CNTN5: variants seen among roughly 807,000 people sequenced by gnomAD.
The protein encoded by CNTN5 is contactin-5.
A neutral mutation model predicts 129.1 loss-of-function variants in CNTN5; 77 were observed. The ratio of observed to expected loss-of-function variants is 0.60; its 90% CI spans 0.50 to 0.72. The LOEUF (loss-of-function observed/expected upper bound fraction) is 0.72. Ranked by LOEUF, CNTN5 falls within the 30% of genes least tolerant of loss-of-function variation. The pLI, the probability that CNTN5 is intolerant of heterozygous loss-of-function variation, is 0.00. For missense variants in CNTN5, 1,478 were observed against 1,328.8 expected (o/e 1.11, Z -1.75); for synonymous variants, 509 against 465.6 (o/e 1.09, Z -1.20).
intron 1 of CNTN5, among the ~76,000 whole-genome samples, chr11:99,021,918 A>G (rs1862887887): frequency 6.6e-6 from 1 of 152,250 alleles, no homozygotes; most frequent in Admixed American, 6.5e-5. Context: ...CAATTTGCAC[A>G]TACACAAACC....
intron 16 of CNTN5, among the ~76,000 whole-genome samples, chr11:100,245,111 G>A (rs1472641630): frequency 2.6e-5 from 4 of 152,058 alleles, no homozygotes; most frequent in African/African-American, 4.8e-5. Context: ...AGTTAAGCAG[G>A]TGTTTGATTA....
chr11:99,619,389 G>T (rs545378083), intron 3 of CNTN5, among the ~76,000 whole-genome samples: 1 of 151,772 alleles, frequency 6.6e-6, no homozygotes, highest in East Asian at 1.9e-4. Flanking sequence ...CTGGTTTTTC[G>T]TTATGTTTCT....
chr11:99,169,658 C>G lies in CNTN5; in HGVS notation c.-210+148388C>G, dbSNP rs114648047. Reference sequence around the variant, plus strand: ...ATAGAAGTGATGGCCCAAGACGAGACAGTAGTAAGGGGTAAAGAGAAAGAA... The same window carrying G: ...ATAGAAGTGATGGCCCAAGACGAGAGAGTAGTAAGGGGTAAAGAGAAAGAA... On this transcript the variant is annotated intron_variant, in intron 1 of 24. Coordinates refer to ENST00000524871, the MANE Select transcript of CNTN5 (RefSeq NM_014361.4). 3.6e-3 allele frequency among the ~76,000 whole-genome samples: 547 copies of G among 151,936 alleles called. 4 individuals carry two copies. The highest frequency in any genetic ancestry group is 0.012 in the African/African-American group (514 of 41,430).
intron 2 of CNTN5, among the ~76,000 whole-genome samples, chr11:99,502,708 C>T (rs139321566): frequency 6.6e-6 from 1 of 152,144 alleles, no homozygotes; most frequent in South Asian, 2.1e-4. Flanking sequence ...CCAACAGTAA[C>T]TTATTTTCAA....
intron 3 of CNTN5, among the ~76,000 whole-genome samples, chr11:99,744,543 T>TAAAAA (rs553540845): frequency 0.013 from 478 of 37,492 alleles, 31 homozygotes; most frequent in African/African-American, 0.029. Flanking sequence ...TACAAAAAGT[T>TAAAAA]AAAAAAAAAA....
At chr11:99,712,612 G>T (rs1312084689) in intron 3 of CNTN5, among the ~76,000 whole-genome samples, 1 of 152,056 alleles carries the variant, frequency 6.6e-6, no homozygotes, top group Admixed American at 6.6e-5. Flanking sequence ...ATGGTTTTAG[G>T]TTTTAGGTTT....
intron 13 of CNTN5, among the ~76,000 whole-genome samples, chr11:100,187,602 G>A (rs1326504981): frequency 6.6e-6 from 1 of 152,000 alleles, no homozygotes; most frequent in African/African-American, 2.4e-5. Context: ...CAGACACATA[G>A]ACCAATGGGA....
chr11:100,335,408 C>CTA (rs371775372), intron 21 of CNTN5, among the ~76,000 whole-genome samples: 28 of 152,276 alleles, frequency 1.8e-4, no homozygotes, highest in African/African-American at 6.0e-4. Context: ...ATCAAATACA[C>CTA]TACCTGCACA....
Position 99,186,644 on chromosome 11 carries a change from GA to G in CNTN5, c.-209-138695del, listed in dbSNP as rs967404816. Among the ~76,000 whole-genome samples, 24 of 151,912 alleles carry G rather than the reference GA, an allele frequency of 1.6e-4. 1 individual carries two copies. Among genetic ancestry groups the G allele is most frequent in the Admixed American group, 1.6e-3 (24 of 15,234 alleles). ...TTATCTTCAAGAACACAAAGTTAAAGAAAAAAATGCTTTTCAGTACCCACAT... is the reference window on the plus strand; with the variant it reads ...TTATCTTCAAGAACACAAAGTTAAAGAAAAAATGCTTTTCAGTACCCACAT... On this transcript the variant is annotated intron_variant, in intron 1 of 24. Transcript: ENST00000524871.
chr11:99,422,516 TTTTATATATATATATATA>T (rs1266902501), intron 2 of CNTN5, among the ~76,000 whole-genome samples: 2,856 of 100,400 alleles, frequency 0.028, 138 homozygotes, highest in Admixed American at 0.099. Flanking sequence ...TACTTTATAT[TTTTATATATATATATATA>T]TATATATATA....
intron 13 of CNTN5, among the ~76,000 whole-genome samples, chr11:100,177,841 C>A (rs1301834273): frequency 6.6e-6 from 1 of 152,040 alleles, no homozygotes; most frequent in Non-Finnish European, 1.5e-5. Flanking sequence ...ACATAGTCAA[C>A]CCAGATGACG....
chr11:100,303,263 C>T (rs191756801), intron 20 of CNTN5, among the ~76,000 whole-genome samples: 190 of 151,254 alleles, frequency 1.3e-3, no homozygotes, highest in African/African-American at 4.1e-3. Flanking sequence ...CTATACAACA[C>T]GCTAATTTTG....
At chr11:99,465,974 T>C (rs543252599) in intron 2 of CNTN5, among the ~76,000 whole-genome samples, 1,846 of 146,008 alleles carry the variant, frequency 0.013, 38 homozygotes, top group African/African-American at 0.043. Context: ...CTCCGCCTCC[T>C]GGGTTCACGC....
intron 8 of CNTN5, among the ~76,000 whole-genome samples, chr11:99,995,670 A>G (rs1939395397): frequency 6.6e-6 from 1 of 152,204 alleles, no homozygotes; most frequent in Admixed American, 6.5e-5. Context: ...TCATATGGCC[A>G]CAAACATAGA....
intron 3 of CNTN5, among the ~76,000 whole-genome samples, chr11:99,771,953 T>C (rs1247170202): frequency 6.6e-6 from 1 of 151,692 alleles, no homozygotes; most frequent in African/African-American, 2.4e-5. Context: ...CCCATGAGTG[T>C]CTGGGAGAAA....
At chr11:99,454,654 C>T (rs1465107657) in intron 2 of CNTN5, among the ~76,000 whole-genome samples, 2 of 152,098 alleles carry the variant, frequency 1.3e-5, no homozygotes, top group Admixed American at 6.6e-5. Flanking sequence ...GTCAATTAAA[C>T]CTCTTTCCTT....
chr11:100,260,773 A>G (rs1292136849), intron 17 of CNTN5, among the ~76,000 whole-genome samples: 1 of 152,106 alleles, frequency 6.6e-6, no homozygotes, highest in Non-Finnish European at 1.5e-5. Context: ...TCTCAATGAA[A>G]TAGGTACTGA....
intron 3 of CNTN5, among the ~76,000 whole-genome samples, chr11:99,805,425 C>T (rs1411210837): frequency 6.6e-6 from 1 of 152,062 alleles, no homozygotes; most frequent in African/African-American, 2.4e-5. Flanking sequence ...TGTCTATAAA[C>T]CTTTGTTTAT....
At chr11:99,381,622 T>G (rs1172172097) in intron 2 of CNTN5, among the ~76,000 whole-genome samples, 1 of 152,182 alleles carries the variant, frequency 6.6e-6, no homozygotes, top group Non-Finnish European at 1.5e-5. Flanking sequence ...ATATTTAGAA[T>G]GGTCTTTTCT....
Sources: allele counts gnomAD v4.1 joint callset (sites outside exome capture counted in the v4.1 genomes callset), GRCh38; gene constraint gnomAD v4.1.1; transcripts MANE v1.5; gene names NCBI Gene and HGNC (gene_info 2026-07-23, HGNC 2026-07-21).